The following CTNNA2 variants were observed in gnomAD, a reference collection of about 807,000 sequenced individuals.
The protein encoded by CTNNA2 is catenin alpha-2.
CTNNA2 carries 42 observed loss-of-function variants against 101.0 expected under a neutral mutation model. The observed-to-expected ratio is 0.42, with a 90% confidence interval of 0.32 to 0.54. The LOEUF (loss-of-function observed/expected upper bound fraction) is 0.54. Among genes scored for constraint, CTNNA2 ranks in the 20% least tolerant of loss-of-function variants. The pLI is 0.14. For missense variants in CTNNA2, 871 were observed against 1,223.1 expected (o/e 0.71, Z 4.29); for synonymous variants, 450 against 456.4 (o/e 0.99, Z 0.18).
chr2:79,841,972 G>T (rs950737105), intron 3 of CTNNA2, among the ~76,000 whole-genome samples: 2 of 152,168 alleles, frequency 1.3e-5, no homozygotes, highest in African/African-American at 4.8e-5. Context: ...AATTCACTGT[G>T]AGAGAAAATG....
At chr2:79,963,186 A>G (rs1302725393) in intron 7 of CTNNA2, among the ~76,000 whole-genome samples, 2 of 152,236 alleles carry the variant, frequency 1.3e-5, no homozygotes, top group East Asian at 3.9e-4. Flanking sequence ...TTACTTTTGC[A>G]AATAAAATGC....
At chr2:79,308,593 A>G (rs1402196006) in intron 2 of CTNNA2, among the ~76,000 whole-genome samples, 1 of 152,082 alleles carries the variant, frequency 6.6e-6, no homozygotes, top group Admixed American at 6.5e-5. Flanking sequence ...CAATGTCCGG[A>G]AGCATTTCCC....
At chr2:79,988,468 G>GTGTA (rs1388203239) in intron 7 of CTNNA2, among the ~76,000 whole-genome samples, 1 of 28,336 alleles carries the variant, frequency 3.5e-5, no homozygotes, top group East Asian at 6.1e-4. Context: ...GTATGTGTAT[G>GTGTA]TGTGTGTGTG....
intron 3 of CTNNA2, among the ~76,000 whole-genome samples, chr2:79,808,792 C>CTT (rs72349722): frequency 0.059 from 8,572 of 145,820 alleles, 288 homozygotes; most frequent in Middle Eastern, 0.14. Flanking sequence ...TTGTCATCAT[C>CTT]TTTTTTTTTT....
At chr2:79,368,531 T>A (rs1331101795) in intron 3 of CTNNA2, among the ~76,000 whole-genome samples, 2 of 152,212 alleles carry the variant, frequency 1.3e-5, no homozygotes, top group Non-Finnish European at 2.9e-5. Context: ...TCTGATTATT[T>A]CATTTGGAGT....
chr2:79,696,200 A>C (rs1389962700), intron 2 of CTNNA2, among the ~76,000 whole-genome samples: 4 of 152,042 alleles, frequency 2.6e-5, no homozygotes, highest in Non-Finnish European at 4.4e-5. Flanking sequence ...GCATTGAGCT[A>C]CTGCAATCTT....
intron 4 of CTNNA2, among the ~76,000 whole-genome samples, chr2:79,425,042 T>G (rs1000680698): frequency 1.3e-5 from 2 of 152,150 alleles, no homozygotes; most frequent in African/African-American, 4.8e-5. Context: ...TGCCAAGGTT[T>G]GGGCTGTTAG....
At chr2:79,734,896 C>T (rs1411086912) in intron 2 of CTNNA2, among the ~76,000 whole-genome samples, 2 of 152,110 alleles carry the variant, frequency 1.3e-5, no homozygotes, top group Non-Finnish European at 2.9e-5. Flanking sequence ...ACAATAATAT[C>T]TCATCAATAA....
At chr2:80,642,171 G>T (rs552551208) in intron 18 of CTNNA2, among the ~76,000 whole-genome samples, 1 of 152,174 alleles carries the variant, frequency 6.6e-6, no homozygotes, top group East Asian at 1.9e-4. Flanking sequence ...GGACTAGTTA[G>T]GTATTTGAGA....
At chr2:79,886,477 C>T (rs1040462755) in intron 6 of CTNNA2, among the ~76,000 whole-genome samples, 5 of 151,712 alleles carry the variant, frequency 3.3e-5, no homozygotes, top group East Asian at 2.0e-4. Flanking sequence ...GGCAGCCAGG[C>T]GCGGTGGCTC....
intron 7 of CTNNA2, among the ~76,000 whole-genome samples, chr2:80,371,089 A>G (rs2149333185): frequency 6.6e-6 from 1 of 152,242 alleles, no homozygotes; most frequent in African/African-American, 2.4e-5. Flanking sequence ...CTTTCCCTTC[A>G]GGGTTAGGAA....
intron 7 of CTNNA2, among the ~76,000 whole-genome samples, chr2:80,352,331 T>A (rs1673377452): frequency 6.6e-6 from 1 of 152,012 alleles, no homozygotes; most frequent in Non-Finnish European, 1.5e-5. Flanking sequence ...AAGGAGCCAT[T>A]TTTTTTATTG....
At chr2:80,091,865 C>A (rs1699813015) in intron 7 of CTNNA2, among the ~76,000 whole-genome samples, 1 of 152,106 alleles carries the variant, frequency 6.6e-6, no homozygotes, top group Admixed American at 6.6e-5. Context: ...TCAATTTATG[C>A]AAAACCTCTG....
At chr2:80,631,298 C>T (rs916389936) in intron 18 of CTNNA2, among the ~76,000 whole-genome samples, 1 of 148,938 alleles carries the variant, frequency 6.7e-6, no homozygotes, top group African/African-American at 2.5e-5. Flanking sequence ...AAAGGTAGTA[C>T]TTTTTTTTCA....
intron 7 of CTNNA2, among the ~76,000 whole-genome samples, chr2:80,354,533 G>T (rs767922392): frequency 6.6e-6 from 1 of 152,098 alleles, no homozygotes. Flanking sequence ...ACAAGTAAAC[G>T]CAAACAGAAT....
intron 7 of CTNNA2, among the ~76,000 whole-genome samples, chr2:80,006,781 T>C (rs1211573635): frequency 6.6e-6 from 1 of 152,182 alleles, no homozygotes; most frequent in African/African-American, 2.4e-5. Flanking sequence ...GTAAGTTGCT[T>C]TGAAATGTCT....
chr2:79,816,565 C>T (rs1558954930), intron 3 of CTNNA2, among the ~76,000 whole-genome samples: 1 of 152,078 alleles, frequency 6.6e-6, no homozygotes, highest in Non-Finnish European at 1.5e-5. Context: ...TATCTCCTTA[C>T]TAGGAAGCCA....
At chr2:79,224,531 T>C (rs1674384413) in intron 2 of CTNNA2, among the ~76,000 whole-genome samples, 1 of 152,148 alleles carries the variant, frequency 6.6e-6, no homozygotes, top group South Asian at 2.1e-4. Context: ...GTTGCAGACA[T>C]ATATACAAAT....
intron 1 of CTNNA2, among the ~76,000 whole-genome samples, chr2:79,574,369 A>G (rs1675654829): frequency 6.6e-6 from 1 of 151,654 alleles, no homozygotes; most frequent in African/African-American, 2.4e-5. Context: ...CCCCCCTTCC[A>G]CCCTCCACCC....
Sources: allele counts gnomAD v4.1 joint callset (sites outside exome capture counted in the v4.1 genomes callset), GRCh38; gene constraint gnomAD v4.1.1; transcripts MANE v1.5; gene names NCBI Gene and HGNC (gene_info 2026-07-23, HGNC 2026-07-21).